Variants in SH3RF3 observed in about 807,000 individuals in gnomAD.
The protein encoded by SH3RF3 is SH3 domain containing ring finger 3, also known as E3 ubiquitin-protein ligase SH3RF3.
Under a neutral mutation model 66.3 loss-of-function variants are expected in SH3RF3, and 29 were observed. That is an observed-to-expected ratio of 0.44 (90% CI 0.33 to 0.60). SH3RF3 has a LOEUF of 0.60. SH3RF3 is among the 20% of genes least tolerant of loss of function. The pLI is 0.04. For synonymous variants in SH3RF3, 583 were observed against 532.0 expected (o/e 1.10, Z -1.32); for missense variants, 1,194 against 1,190.9 (o/e 1.00, Z -0.04).
intron 1 of SH3RF3, among the ~76,000 whole-genome samples, chr2:109,221,532 C>T (rs991417774): frequency 2.0e-5 from 3 of 147,792 alleles, no homozygotes; most frequent in African/African-American, 5.1e-5. Flanking sequence ...CGGTAAGCCG[C>T]GATCGCGCCA....
At chr2:109,241,421 A>T (rs754742943) in intron 1 of SH3RF3, among the ~76,000 whole-genome samples, 1 of 152,092 alleles carries the variant, frequency 6.6e-6, no homozygotes, top group Non-Finnish European at 1.5e-5. Flanking sequence ...CATTGGGGGA[A>T]AAAATGGCTG....
intron 1 of SH3RF3, among the ~76,000 whole-genome samples, chr2:109,322,847 G>A (rs565087877): frequency 6.6e-6 from 1 of 152,314 alleles, no homozygotes; most frequent in Admixed American, 6.5e-5. Flanking sequence ...TGGGCAGACA[G>A]CTTTATTGCT....
At chr2:109,495,780 T>C (rs1482384487) in intron 9 of SH3RF3, among the ~76,000 whole-genome samples, 1 of 152,192 alleles carries the variant, frequency 6.6e-6, no homozygotes, top group Non-Finnish European at 1.5e-5. Flanking sequence ...CGTGAGCCAC[T>C]GCACCTGGCC....
intron 1 of SH3RF3, among the ~76,000 whole-genome samples, chr2:109,147,175 A>C (rs1035245997): frequency 1.8e-4 from 28 of 152,232 alleles, no homozygotes; most frequent in Admixed American, 1.6e-3. Context: ...CACTTCCTCA[A>C]GGTGCCTGGG....
chr2:109,440,350 G>A (rs1348617200), intron 7 of SH3RF3, among the ~76,000 whole-genome samples: 1 of 152,214 alleles, frequency 6.6e-6, no homozygotes, highest in Non-Finnish European at 1.5e-5. Flanking sequence ...ATACGGATAG[G>A]GTGCGGGAGC....
chr2:109,218,030 A>G (rs1170543587), intron 1 of SH3RF3, among the ~76,000 whole-genome samples: 1 of 152,126 alleles, frequency 6.6e-6, no homozygotes, highest in African/African-American at 2.4e-5. Context: ...ACCAGGTGCC[A>G]CAAGTGAAGC....
At chr2:109,200,954 G>A (rs1678656452) in intron 1 of SH3RF3, among the ~76,000 whole-genome samples, 1 of 152,168 alleles carries the variant, frequency 6.6e-6, no homozygotes, top group African/African-American at 2.4e-5. Flanking sequence ...GTGGCCCGGG[G>A]CCCACCCACA....
At chr2:109,187,443 A>G (rs1007384300) in intron 1 of SH3RF3, among the ~76,000 whole-genome samples, 1 of 152,150 alleles carries the variant, frequency 6.6e-6, no homozygotes, top group African/African-American at 2.4e-5. Flanking sequence ...CATGTACTGC[A>G]TGAAGACGTT....
intron 3 of SH3RF3, among the ~76,000 whole-genome samples, chr2:109,379,463 A>G (rs1005621408): frequency 2.0e-5 from 3 of 152,128 alleles, no homozygotes; most frequent in Non-Finnish European, 2.9e-5. Flanking sequence ...TGTTCCCTAC[A>G]CTTCTGCTGA....
intron 1 of SH3RF3, among the ~76,000 whole-genome samples, chr2:109,151,407 C>A (rs761205041): frequency 6.6e-6 from 1 of 152,158 alleles, no homozygotes; most frequent in African/African-American, 2.4e-5. Context: ...GGTTCAAATT[C>A]CTAATTTTAT....
intron 1 of SH3RF3, among the ~76,000 whole-genome samples, chr2:109,212,468 A>G (rs1027600566): frequency 1.3e-5 from 2 of 152,214 alleles, no homozygotes; most frequent in African/African-American, 2.4e-5. Flanking sequence ...TTTGTTAGCA[A>G]CCATCCTGAC....
chr2:109,203,756 A>G (rs1007448748), intron 1 of SH3RF3, among the ~76,000 whole-genome samples: 2 of 152,094 alleles, frequency 1.3e-5, no homozygotes, highest in African/African-American at 4.8e-5. Context: ...CACAGAACCC[A>G]CATACCTTTC....
intron 3 of SH3RF3, among the ~76,000 whole-genome samples, chr2:109,384,112 C>A (rs1286721812): frequency 6.6e-6 from 1 of 152,246 alleles, no homozygotes; most frequent in East Asian, 1.9e-4. Context: ...GCACATCCCA[C>A]TGCTGGGCAG....
intron 8 of SH3RF3, among the ~76,000 whole-genome samples, chr2:109,469,150 C>CG (rs1278640933): frequency 1.3e-5 from 2 of 152,158 alleles, no homozygotes; most frequent in Non-Finnish European, 2.9e-5. Flanking sequence ...CCCAAGAATG[C>CG]GGGCCCCCTG....
chr2:109,338,933 A>G (rs1221990861), intron 1 of SH3RF3, among the ~76,000 whole-genome samples: 1 of 152,260 alleles, frequency 6.6e-6, no homozygotes, highest in East Asian at 1.9e-4. Flanking sequence ...CAGTTGATCA[A>G]CACATATCTT....
At chr2:109,377,455 T>C (rs1425125216) in intron 3 of SH3RF3, among the ~76,000 whole-genome samples, 2 of 152,048 alleles carry the variant, frequency 1.3e-5, no homozygotes, top group South Asian at 2.1e-4. Flanking sequence ...GAAGCAGAGC[T>C]GGAGGGGGCA....
At chr2:109,167,423 T>G (rs918880834) in intron 1 of SH3RF3, among the ~76,000 whole-genome samples, 38 of 152,190 alleles carry the variant, frequency 2.5e-4, no homozygotes, top group African/African-American at 8.7e-4. Context: ...AAGGTTTATA[T>G]CCTGGCAAGG....
intron 1 of SH3RF3, among the ~76,000 whole-genome samples, chr2:109,219,072 G>C (rs1401257595): frequency 6.6e-6 from 1 of 152,098 alleles, no homozygotes; most frequent in East Asian, 1.9e-4. Context: ...CCTTAATTTG[G>C]ATGGTTCCCA....
chr2:109,496,751 A>G (rs1037061311), intron 9 of SH3RF3, among the ~76,000 whole-genome samples: 3 of 151,120 alleles, frequency 2.0e-5, no homozygotes, highest in African/African-American at 7.3e-5. Context: ...AACCCTAAAA[A>G]CTCATGACTA....
Sources: allele counts gnomAD v4.1 joint callset (sites outside exome capture counted in the v4.1 genomes callset), GRCh38; gene constraint gnomAD v4.1.1; transcripts MANE v1.5; gene names NCBI Gene and HGNC (gene_info 2026-07-23, HGNC 2026-07-21).